Variants in SH3TC1 observed in about 807,000 individuals in gnomAD.
The protein encoded by SH3TC1 is SH3 domain and tetratricopeptide repeat-containing protein 1.
Under a neutral mutation model 117.3 loss-of-function variants are expected in SH3TC1, and 135 were observed. The observed-to-expected ratio is 1.15, with a 90% CI of 1.00 to 1.33. The LOEUF (loss-of-function observed/expected upper bound fraction) is 1.33. SH3TC1 is among the 40% of genes most tolerant of loss of function. SH3TC1 has a pLI of 0.00. For synonymous variants in SH3TC1, 898 were observed against 816.9 expected, an observed-to-expected ratio of 1.10 and a Z score of -1.69; for missense variants, 2,092 against 1,794.3, an observed-to-expected ratio of 1.17 and a Z score of -3.00.
At chr4:8,226,858 G>A (rs1213272211) in intron 11 of SH3TC1, 122 bp from the exon 12 acceptor site, 4 of 609,030 alleles carry the variant, frequency 6.6e-6, no homozygotes, top group Non-Finnish European at 1.1e-5. Context: ...CCGGTAGGGT[G>A]GTATCGTCTG....
At chr4:8,235,750 C>T in intron 15 of SH3TC1, 195 bp downstream of exon 15, 1 of 656,596 alleles carries the variant, frequency 1.5e-6, no homozygotes, top group Non-Finnish European at 2.3e-6. Flanking sequence ...GGCCTGGACA[C>T]AGCAATGGCC....
intron 7 of SH3TC1, among the ~76,000 whole-genome samples, chr4:8,217,637 A>G (rs755175830): frequency 2.0e-5 from 3 of 152,202 alleles, no homozygotes; most frequent in South Asian, 2.1e-4. Context: ...GAGAACCTCA[A>G]TCTCTTGATT....
Position 8,228,313 on chromosome 4 carries a change from G to A in SH3TC1, c.2619G>A (p.Leu873=), listed in dbSNP as rs1250017082. 1.2e-6 allele frequency: 2 copies of A among 1,612,128 alleles called. No homozygotes were observed. The highest frequency in any genetic ancestry group is 1.1e-5 in the South Asian group (1 of 91,074). Residue 873 remains leucine (L), a synonymous_variant, in exon 12 of 18, where the codon CTG becomes CTA. Transcript: ENST00000245105. ...TTGCCAACATGGTGGCCGTGGCTCT[G>A]AAGAGGACGGGCCGGACGAGGCAGG... ...GVIANMVAVA[L]KRTGRTRQAA...
rs1262359986 is a variant in SH3TC1, at chr4:8,222,831, T to G, written c.1113-9T>G. On this transcript the variant is annotated splice_polypyrimidine_tract_variant and intron_variant, in intron 9 of 17. Coordinates refer to ENST00000245105, the MANE Select transcript of SH3TC1 (RefSeq NM_018986.5). ...TGTTGTTTTGAATAAAGCACTTTAT[T>G]TTTTCCAGGTTGGAAAGTGCGATTT... 1 of 1,608,094 alleles carries G rather than the reference T, an allele frequency of 6.2e-7. No homozygotes were observed. The highest frequency in any genetic ancestry group is 8.5e-7 in the Non-Finnish European group (1 of 1,174,890).
intron 17 of SH3TC1, among the ~76,000 whole-genome samples, chr4:8,238,864 G>A (rs1259101612): frequency 1.3e-5 from 2 of 152,158 alleles, no homozygotes; most frequent in African/African-American, 2.4e-5. Context: ...CATGGCTGGG[G>A]TCAAGGGGCA....
In SH3TC1 at chr4:8,209,386, C is replaced by A. The variant is rs570542806; in HGVS notation, c.173-362C>A. ...GCGGCCACAAGCCGAGGGACGTGTG[C>A]GGCCTCTTGAAGGCGAGGAGTGGAT... On this transcript the variant is annotated intron_variant, in intron 2 of 17. Transcript: ENST00000245105. This position sits in a 1 kb window ranked among gnomAD's most constrained non-coding sequence, Gnocchi z 5.9. Among the ~76,000 whole-genome samples the A allele has an allele frequency of 6.6e-6, 1 of 152,158 alleles. No homozygotes were observed. The highest frequency in any genetic ancestry group is 2.4e-5 in the African/African-American group (1 of 41,420).
At chr4:8,231,709 G>T in intron 12 of SH3TC1, 1 of 510,150 alleles carries the variant, frequency 2.0e-6, no homozygotes, top group East Asian at 3.2e-5. Flanking sequence ...GGCCAGAGGG[G>T]CTTTGTGAAG....
chr4:8,188,618 G>A (rs1368435465), intron 1 of SH3TC1, among the ~76,000 whole-genome samples: 1 of 152,238 alleles, frequency 6.6e-6, no homozygotes, highest in East Asian at 1.9e-4. Flanking sequence ...CGCTACCCTT[G>A]GTGAGCAGGG....
At position 8,223,743 on chromosome 4, in the gene SH3TC1, G is replaced by A. The variant is rs562008346; in HGVS notation, c.1243+773G>A. On this transcript the variant is annotated intron_variant, in intron 10 of 17. Coordinates refer to ENST00000245105, the MANE Select transcript of SH3TC1 (RefSeq NM_018986.5). ...TGCCTCCCGGGTTCAAGCGATTCTCGTGTCTCAGCCTCCCAAGTAGCTGGA... is the reference window on the plus strand; with the variant it reads ...TGCCTCCCGGGTTCAAGCGATTCTCATGTCTCAGCCTCCCAAGTAGCTGGA... Among the ~76,000 whole-genome samples the A allele has an allele frequency of 2.8e-4, 43 of 150,936 alleles. No individual in the cohort carries two copies. In the South Asian group the frequency reaches 6.9e-3, roughly 24 times the overall value.
chr4:8,230,729 C>T (rs969858027), intron 12 of SH3TC1, among the ~76,000 whole-genome samples: 1 of 149,982 alleles, frequency 6.7e-6, no homozygotes, highest in Non-Finnish European at 1.5e-5. Flanking sequence ...TAGAGTTACA[C>T]ATTTCCCTTT....
At position 8,233,378 on chromosome 4, in the gene SH3TC1, A is replaced by C. The variant is rs538669689; in HGVS notation, c.3147A>C (p.Ala1049=). The part of the protein sequence containing the change: ...SLGTERAYKS[A]LDYTKRSLGI... ...CTGATACCAGGGCCTACAAATCCGC[A>C]CTGGACTACACCAAACGAAGTCTGG... is the stretch of plus-strand genomic sequence containing the variant. Residue 1049 remains alanine, a synonymous_variant, in exon 14 of 18, where the codon GCA becomes GCC. Coordinates refer to ENST00000245105, the MANE Select transcript of SH3TC1 (RefSeq NM_018986.5). 72 of 1,611,274 alleles carry C rather than the reference A, an allele frequency of 4.5e-5. No individual in the cohort carries two copies. The highest frequency in any genetic ancestry group is 5.9e-5 in the Non-Finnish European group (69 of 1,178,864).
rs1717389332 is a variant in SH3TC1 at position 8,190,647 on chromosome 4, G to C, written c.-57+8437G>C. On this transcript the variant is annotated intron_variant, in intron 1 of 16. Transcript: ENST00000508641. The surrounding 1 kb of genome is among the most constrained non-coding windows in gnomAD (Gnocchi z 4.7). Reference sequence around the variant, plus strand: ...GAGGCTTGGCCTCTTCTGGCTCTGTGATCTTTTTTTGGAGACAGAGCCTGG... The same window carrying C: ...GAGGCTTGGCCTCTTCTGGCTCTGTCATCTTTTTTTGGAGACAGAGCCTGG... 6.6e-6 allele frequency among the ~76,000 whole-genome samples: 1 copy of C among 152,008 alleles called. No individual in the cohort carries two copies. The highest frequency in any genetic ancestry group is 2.1e-4 in the South Asian group (1 of 4,822).
chr4:8,186,770 C>A lies in SH3TC1; in HGVS notation c.-57+4560C>A, dbSNP rs568774591. On this transcript the variant is annotated intron_variant, in intron 1 of 16. Transcript: ENST00000508641. This position sits in a 1 kb window ranked among gnomAD's most constrained non-coding sequence, Gnocchi z 5.2. ...ACCAGCCCGGCCAACATGGTGAAAC[C>A]CCATCTCTACTAAAAATACAAAAAT... is the stretch of plus-strand genomic sequence containing the variant. Among the ~76,000 whole-genome samples the A allele has an allele frequency of 2.6e-5, 4 of 152,094 alleles. No homozygotes were observed. The highest frequency in any genetic ancestry group is 9.6e-5 in the African/African-American group (4 of 41,474).
rs1025884448 is a variant in SH3TC1, at chr4:8,186,908, C to T, written c.-57+4698C>T. ...GCAGTGAGCCGAGATCATACCACTG[C>T]ACTCCAGCCTGGGTGACAGGGCAAG... On this transcript the variant is annotated intron_variant, in intron 1 of 16. Transcript: ENST00000508641. The surrounding 1 kb of genome is among the most constrained non-coding windows in gnomAD (Gnocchi z 5.2). Among the ~76,000 whole-genome samples, 2 of 150,372 alleles carry T rather than the reference C, an allele frequency of 1.3e-5. No homozygotes were observed. The highest frequency in any genetic ancestry group is 2.5e-5 in the African/African-American group (1 of 40,624).
At position 8,216,216 on chromosome 4, in the gene SH3TC1, A is replaced by G. The variant is rs371436398; in HGVS notation, c.587A>G (p.Asn196Ser). 1 of 1,613,682 alleles carries G rather than the reference A, an allele frequency of 6.2e-7. No homozygotes were observed. The highest frequency in any genetic ancestry group is 1.3e-5 in the African/African-American group (1 of 74,914). Residue 196 changes from asparagine to serine, a missense_variant, in exon 6 of 18, where the codon AAC becomes AGC. By Grantham distance (46) the Asn-to-Ser change is conservative. Transcript: ENST00000245105. ...GCCATCCAAGTCCATGTGGATGAGAACGCCTTAAGGCTGACCCACGAGAGC... is the reference window on the plus strand; with the variant it reads ...GCCATCCAAGTCCATGTGGATGAGAGCGCCTTAAGGCTGACCCACGAGAGC... ...ETAIQVHVDE[N>S]ALRLTHESLL...
intron 9 of SH3TC1, among the ~76,000 whole-genome samples, 189 bp downstream of exon 9, chr4:8,219,719 C>T (rs563013318): frequency 4.3e-4 from 66 of 152,204 alleles, no homozygotes; most frequent in Non-Finnish European, 6.8e-4. Context: ...CCCTGGCGTC[C>T]TTTCTCCGGG....
In SH3TC1 at chr4:8,194,134, C is replaced by G. The variant is rs116122592; in HGVS notation, c.-57+11924C>G. Among the ~76,000 whole-genome samples the G allele has an allele frequency of 8.6e-3, 1,315 of 152,284 alleles. 15 individuals are homozygous for G. The highest frequency in any genetic ancestry group is 0.03 in the African/African-American group (1,248 of 41,538). ...TCAGGGTGTGCCTCCGAGGCTCTGGCTAGGAGCTGTCCTGGGACCTTCGAG... is the reference window on the plus strand; with the variant it reads ...TCAGGGTGTGCCTCCGAGGCTCTGGGTAGGAGCTGTCCTGGGACCTTCGAG... On this transcript the variant is annotated intron_variant, in intron 1 of 16. Coordinates refer to the SH3TC1 transcript ENST00000508641.
At chr4:8,213,841 A>T (rs1434526992) in intron 4 of SH3TC1, among the ~76,000 whole-genome samples, 2 of 150,866 alleles carry the variant, frequency 1.3e-5, no homozygotes, top group African/African-American at 4.9e-5. Flanking sequence ...AACCATGGTT[A>T]TGCCACTGCA....
chr4:8,183,851 C>G lies in SH3TC1; in HGVS notation c.-57+1641C>G, dbSNP rs1245690909. ...GCCTGCCCCGGGATCCCACCCAGGA[C>G]CCCACTTTGTATTTAGTCCTCCTAT... is the stretch of plus-strand genomic sequence containing the variant. On this transcript the variant is annotated intron_variant, in intron 1 of 16. Coordinates refer to the SH3TC1 transcript ENST00000508641. This position sits in a 1 kb window ranked among gnomAD's most constrained non-coding sequence, Gnocchi z 5.4. Among the ~76,000 whole-genome samples, 3 of 152,176 alleles carry G rather than the reference C, an allele frequency of 2.0e-5. No homozygotes were observed. Among genetic ancestry groups the G allele is most frequent in the African/African-American group, 7.2e-5 (3 of 41,434 alleles).
Sources: allele counts gnomAD v4.1 joint callset (sites outside exome capture counted in the v4.1 genomes callset), GRCh38; gene constraint gnomAD v4.1.1; non-coding constraint Gnocchi (gnomAD v3.1); transcripts MANE v1.5; gene names NCBI Gene and HGNC (gene_info 2026-07-23, HGNC 2026-07-21).